XKR4: variants seen among roughly 807,000 people sequenced by gnomAD.
XKR4 encodes the protein XK related 4, also known as XK-related protein 4.
Under a neutral mutation model 53.9 loss-of-function variants are expected in XKR4, and 12 were observed. The ratio of observed to expected loss-of-function variants is 0.22; its 90% CI spans 0.14 to 0.36. XKR4 has a LOEUF of 0.36. XKR4 is among the 10% of genes least tolerant of loss of function. The pLI is 1.00. For missense variants in XKR4, 799 were observed against 859.5 expected (o/e 0.93, Z 0.88); for synonymous variants, 354 against 362.4 (o/e 0.98, Z 0.26).
Position 55,360,686 on chromosome 8 carries a change from G to A in XKR4, c.1006+2809G>A, listed in dbSNP as rs540927615. Among the ~76,000 whole-genome samples, 5 of 152,256 alleles carry A rather than the reference G, an allele frequency of 3.3e-5. No homozygotes were observed. In the South Asian group the frequency reaches 6.2e-4, roughly 19 times the overall value. On this transcript the variant is annotated intron_variant, in intron 2 of 2. Transcript: ENST00000327381. ...AAAATTACTATTTTTTAGGATAGAAGGAAAATTGATCTTTAAACCCAATTT... is the reference window on the plus strand; with the variant it reads ...AAAATTACTATTTTTTAGGATAGAAAGAAAATTGATCTTTAAACCCAATTT...
At chr8:55,347,870 C>T (rs557584947) in intron 1 of XKR4, among the ~76,000 whole-genome samples, 5 of 152,344 alleles carry the variant, frequency 3.3e-5, no homozygotes, top group Non-Finnish European at 7.3e-5. Flanking sequence ...TGACTTCTCT[C>T]TGCCATCTGT....
At chr8:55,394,341 T>C (rs1804486062) in intron 2 of XKR4, among the ~76,000 whole-genome samples, 1 of 152,036 alleles carries the variant, frequency 6.6e-6, no homozygotes, top group African/African-American at 2.4e-5. Context: ...CTAGAGGAGG[T>C]CCTTAGTATT....
rs578216793 is a variant in XKR4, at chr8:55,141,002, A to G, written c.806+37708A>G. ...CATACCACACAATTCACCAATTTAA[A>G]GTGTACATTTCAGTACTTTTAGTAT... On this transcript the variant is annotated intron_variant, in intron 1 of 2. Transcript: ENST00000327381. Among the ~76,000 whole-genome samples, 2 of 152,284 alleles carry G rather than the reference A, an allele frequency of 1.3e-5. 1 individual carries two copies. The highest frequency in any genetic ancestry group is 6.8e-3 in the Middle Eastern group (2 of 294).
rs544407849 is a variant in XKR4, at chr8:55,326,240, G to A, written c.807-31438G>A. 2.0e-4 allele frequency among the ~76,000 whole-genome samples: 31 copies of A among 152,254 alleles called. 1 individual carries two copies. Among genetic ancestry groups the A allele is most frequent in the African/African-American group, 6.7e-4 (28 of 41,542 alleles). ...TATACACCTGGGTGGGGATGTTGGC[G>A]ATTGTAATAATCACCATTTGTTTAA... On this transcript the variant is annotated intron_variant, in intron 1 of 2. Transcript: ENST00000327381.
chr8:55,538,017 T>C lies in XKR4; in HGVS notation c.*13790T>C, dbSNP rs1807054075. 1 of 152,230 alleles carries C rather than the reference T, an allele frequency of 6.6e-6. No individual in the cohort carries two copies. Among genetic ancestry groups the C allele is most frequent in the South Asian group, 2.1e-4 (1 of 4,830 alleles). 9.4% of individuals were successfully genotyped at this position (152,230 alleles called of 1,614,324 possible). The stretch of plus-strand genomic sequence containing the variant: ...TGGTAGTACGATAATCAATGGAATT[T>C]ATGGTGTCGTAGAAAACCAAAAATC... On this transcript the variant is annotated 3_prime_UTR_variant, in exon 3 of 3. Transcript: ENST00000327381.
At position 55,535,593 on chromosome 8, in the gene XKR4, C is replaced by T. The variant is rs1189893204; in HGVS notation, c.*11366C>T. On this transcript the variant is annotated 3_prime_UTR_variant, in exon 3 of 3. Coordinates refer to ENST00000327381, the MANE Select transcript of XKR4 (RefSeq NM_052898.2). ...ATAAATAGTCCTCTTAAGCAAGGTT[C>T]ATGGGTAAGAGTTACTCTAGCAGGA... The T allele has an allele frequency of 6.6e-6, 1 of 152,130 alleles. No individual in the cohort carries two copies. Among genetic ancestry groups the T allele is most frequent in the East Asian group, 1.9e-4 (1 of 5,186 alleles). The allele number at this position is 152,130 out of a possible 1,614,324, so 9.4% of individuals were successfully genotyped here.
chr8:55,290,744 T>C (rs971404408), intron 1 of XKR4, among the ~76,000 whole-genome samples: 19 of 152,204 alleles, frequency 1.2e-4, no homozygotes, highest in African/African-American at 4.1e-4. Flanking sequence ...TTTTATTTTT[T>C]TACCATTGAG....
chr8:55,300,563 G>A (rs951090018), intron 1 of XKR4, among the ~76,000 whole-genome samples: 3 of 152,058 alleles, frequency 2.0e-5, no homozygotes, highest in Non-Finnish European at 2.9e-5. Flanking sequence ...GAGATGGGTC[G>A]TGGAATAGAA....
At chr8:55,455,624 C>A (rs2129397125) in intron 2 of XKR4, among the ~76,000 whole-genome samples, 2 of 152,206 alleles carry the variant, frequency 1.3e-5, no homozygotes, top group Middle Eastern at 3.4e-3. Context: ...AGTGGTAGAC[C>A]AATAAGAAAT....
At chr8:55,350,691 A>G (rs962619354) in intron 1 of XKR4, among the ~76,000 whole-genome samples, 2 of 151,616 alleles carry the variant, frequency 1.3e-5, no homozygotes, top group Non-Finnish European at 2.9e-5. Flanking sequence ...GGGAATGGAG[A>G]ATTGTTTAGT....
chr8:55,386,873 C>T (rs1308242576), intron 2 of XKR4, among the ~76,000 whole-genome samples: 2 of 152,152 alleles, frequency 1.3e-5, no homozygotes, highest in Non-Finnish European at 2.9e-5. Context: ...ATCTTAGTCC[C>T]TCACTTCTAA....
chr8:55,443,043 T>G (rs1442525100), intron 2 of XKR4, among the ~76,000 whole-genome samples: 1 of 152,186 alleles, frequency 6.6e-6, no homozygotes, highest in Non-Finnish European at 1.5e-5. Context: ...AAGACATCAG[T>G]CTCATTTGGT....
intron 2 of XKR4, among the ~76,000 whole-genome samples, chr8:55,460,685 C>T (rs2975970): frequency 5.9e-5 from 9 of 152,238 alleles, no homozygotes; most frequent in South Asian, 2.1e-4. Flanking sequence ...GGTGAGGCAT[C>T]GCCTCACCCG....
At chr8:55,466,070 T>C (rs1014294658) in intron 2 of XKR4, among the ~76,000 whole-genome samples, 1 of 152,064 alleles carries the variant, frequency 6.6e-6, no homozygotes, top group Non-Finnish European at 1.5e-5. Flanking sequence ...ATTGTGGAAG[T>C]CAGTGTGGCG....
At position 55,449,463 on chromosome 8, in the gene XKR4, G is replaced by A. The variant is rs1805394036; in HGVS notation, c.1007-73818G>A. On this transcript the variant is annotated intron_variant, in intron 2 of 2. Coordinates refer to ENST00000327381, the MANE Select transcript of XKR4 (RefSeq NM_052898.2). ...CAGGGCTGCCCTGCCCACCCCTAGT[G>A]GTCGGTAACGACTGGAAGCAGAGCA... The A allele has an allele frequency of 5.4e-6, 5 of 919,334 alleles. No individual in the cohort carries two copies. In the South Asian group the frequency reaches 6.0e-5, roughly 11 times the overall value. 56.9% of individuals were successfully genotyped at this position (919,334 alleles called of 1,614,324 possible).
chr8:55,240,256 T>A (rs1168694641), intron 1 of XKR4, among the ~76,000 whole-genome samples: 1 of 152,116 alleles, frequency 6.6e-6, no homozygotes, highest in Admixed American at 6.6e-5. Context: ...TATATTTATT[T>A]AAAAAAATAT....
intron 1 of XKR4, among the ~76,000 whole-genome samples, chr8:55,160,796 T>C (rs1816973466): frequency 6.6e-6 from 1 of 152,204 alleles, no homozygotes; most frequent in Non-Finnish European, 1.5e-5. Context: ...TAGGGACTGT[T>C]ACATTTCTCT....
chr8:55,209,222 TGTG>T (rs1391363223), intron 1 of XKR4, among the ~76,000 whole-genome samples: 1 of 151,846 alleles, frequency 6.6e-6, no homozygotes, highest in African/African-American at 2.4e-5. Context: ...TGTGTGTGTG[TGTG>T]TGTTATTCTT....
intron 1 of XKR4, among the ~76,000 whole-genome samples, chr8:55,238,644 G>A (rs893786578): frequency 3.7e-4 from 57 of 152,110 alleles, no homozygotes; most frequent in African/African-American, 1.3e-3. Context: ...CTGCAAGAGA[G>A]GCTGGGATGT....
Sources: gnomAD v4.1 joint callset for allele counts (sites outside exome capture counted in the v4.1 genomes callset) on GRCh38, gnomAD v4.1.1 for gene constraint, MANE v1.5 for transcripts, NCBI Gene and HGNC (gene_info 2026-07-23, HGNC 2026-07-21) for gene names.